SNTG1: variants seen among roughly 807,000 people sequenced by gnomAD.
SNTG1 encodes the protein syntrophin gamma 1, also known as gamma-1-syntrophin.
In SNTG1, 39 loss-of-function variants were observed where a neutral mutation model predicts 74.7. The ratio of observed to expected loss-of-function variants is 0.52; its 90% CI spans 0.40 to 0.68. The LOEUF (loss-of-function observed/expected upper bound fraction) is 0.68, where lower values mean the gene tolerates loss of function less well. SNTG1 is among the 30% of genes least tolerant of loss of function. SNTG1 has a pLI of 0.00. For missense variants in SNTG1, 685 were observed against 609.5 expected (o/e 1.12, Z -1.30); for synonymous variants, 254 against 217.1 (o/e 1.17, Z -1.49).
intron 2 of SNTG1, among the ~76,000 whole-genome samples, chr8:50,178,704 G>C (rs2083091847): frequency 6.6e-6 from 1 of 151,892 alleles, no homozygotes; most frequent in African/African-American, 2.4e-5. Context: ...TGCATGTTCT[G>C]TTCATTATTT....
intron 1 of SNTG1, among the ~76,000 whole-genome samples, chr8:50,041,426 G>A (rs1183721508): frequency 6.6e-6 from 1 of 152,068 alleles, no homozygotes; most frequent in Non-Finnish European, 1.5e-5. Context: ...AACATTTAAT[G>A]TTGCAACATT....
At chr8:49,928,145 TAATAAATA>T (rs372341073) in intron 1 of SNTG1, among the ~76,000 whole-genome samples, 173 of 138,120 alleles carry the variant, frequency 1.3e-3, no homozygotes, top group African/African-American at 3.6e-3. Flanking sequence ...TCTCAAAAAA[TAATAAATA>T]AATAAATAAA....
At chr8:50,697,050 C>A (rs1369241447) in intron 15 of SNTG1, among the ~76,000 whole-genome samples, 1 of 151,986 alleles carries the variant, frequency 6.6e-6, no homozygotes. Flanking sequence ...GCCATTTTAA[C>A]AATATTAATT....
rs531483971 is a variant in SNTG1 at position 50,410,141 on chromosome 8, A to C, written c.162+7797A>C. Among the ~76,000 whole-genome samples the C allele has an allele frequency of 2.5e-4, 38 of 152,362 alleles. 1 individual carries two copies. In the South Asian group the frequency reaches 7.5e-3, roughly 30 times the overall value. ...CTTTCACATGGGTGTGACATGATGT[A>C]GGATGTGGCTTTTTGAGGTTCATTA... On this transcript the variant is annotated intron_variant, in intron 4 of 18. Coordinates refer to ENST00000642720, the MANE Select transcript of SNTG1 (RefSeq NM_018967.5).
At chr8:50,423,304 C>G (rs1292870640) in intron 4 of SNTG1, among the ~76,000 whole-genome samples, 1 of 152,068 alleles carries the variant, frequency 6.6e-6, no homozygotes, top group Non-Finnish European at 1.5e-5. Context: ...TAAAACAGTG[C>G]TTAGTATATA....
chr8:50,740,363 GAAA>G (rs58639766), intron 17 of SNTG1, among the ~76,000 whole-genome samples: 9,067 of 139,112 alleles, frequency 0.065, 317 homozygotes, highest in Non-Finnish European at 0.077. Context: ...AAAAACATAT[GAAA>G]AAAAAAAAAA....
chr8:50,097,768 T>A lies in SNTG1; in HGVS notation c.-102-74793T>A, dbSNP rs191177896. Among the ~76,000 whole-genome samples the A allele has an allele frequency of 6.9e-4, 105 of 152,284 alleles. No homozygotes were observed. In the East Asian group the frequency reaches 0.016, roughly 23 times the overall value. On this transcript the variant is annotated intron_variant, in intron 1 of 18. Coordinates refer to ENST00000642720, the MANE Select transcript of SNTG1 (RefSeq NM_018967.5). ...TGACTCTGATTGAGAGTGAAAAAAC[T>A]TAAGAGAACTTCATCATGAAATTCA...
At chr8:50,404,316 A>G (rs1372952575) in intron 4 of SNTG1, among the ~76,000 whole-genome samples, 2 of 152,182 alleles carry the variant, frequency 1.3e-5, no homozygotes, top group Non-Finnish European at 2.9e-5. Flanking sequence ...ATGATCATAA[A>G]TTAAAAGCTA....
chr8:50,781,189 G>T (rs1361763645), intron 18 of SNTG1, among the ~76,000 whole-genome samples: 4 of 144,136 alleles, frequency 2.8e-5, no homozygotes, highest in Non-Finnish European at 4.4e-5. Context: ...TGTTGATTTG[G>T]GGTGGAGAGT....
intron 17 of SNTG1, among the ~76,000 whole-genome samples, chr8:50,725,807 T>C (rs1468053762): frequency 1.3e-5 from 2 of 152,198 alleles, no homozygotes; most frequent in Non-Finnish European, 2.9e-5. Flanking sequence ...CTATTGCATT[T>C]TTGCTAACCA....
chr8:50,070,644 G>T (rs1206670228), intron 1 of SNTG1, among the ~76,000 whole-genome samples: 4 of 152,138 alleles, frequency 2.6e-5, no homozygotes, highest in Non-Finnish European at 5.9e-5. Context: ...AAAACAAAAA[G>T]AAATGATTTC....
intron 9 of SNTG1, among the ~76,000 whole-genome samples, chr8:50,516,644 G>A (rs994684831): frequency 7.2e-5 from 11 of 152,148 alleles, no homozygotes; most frequent in Non-Finnish European, 1.5e-4. Flanking sequence ...ACTTTGTGAA[G>A]CATGCACAAG....
chr8:50,305,863 C>A (rs909517733), intron 2 of SNTG1, among the ~76,000 whole-genome samples: 1 of 150,686 alleles, frequency 6.6e-6, no homozygotes, highest in African/African-American at 2.4e-5. Context: ...CAATCACCAA[C>A]ATTGCCAAAA....
intron 2 of SNTG1, among the ~76,000 whole-genome samples, chr8:50,297,942 A>G (rs907264558): frequency 6.6e-6 from 1 of 151,628 alleles, no homozygotes; most frequent in Non-Finnish European, 1.5e-5. Context: ...AGAGAAAAAT[A>G]GAAGTAAAAT....
At chr8:50,493,432 T>G (rs1046112457) in intron 8 of SNTG1, among the ~76,000 whole-genome samples, 9 of 152,150 alleles carry the variant, frequency 5.9e-5, no homozygotes, top group African/African-American at 1.7e-4. Flanking sequence ...AATACTGTAT[T>G]TAGGTTCTTT....
At chr8:50,439,944 C>A (rs61006470) in intron 5 of SNTG1, among the ~76,000 whole-genome samples, 1 of 150,592 alleles carries the variant, frequency 6.6e-6, no homozygotes, top group Admixed American at 6.6e-5. Flanking sequence ...TGTTGTTTTT[C>A]GTATTTTAAA....
At chr8:50,114,822 G>A (rs2080748439) in intron 1 of SNTG1, among the ~76,000 whole-genome samples, 1 of 152,118 alleles carries the variant, frequency 6.6e-6, no homozygotes, top group Non-Finnish European at 1.5e-5. Context: ...CCGAGATCGT[G>A]CCAATGCACT....
At chr8:50,662,991 C>A (rs1029251222) in intron 15 of SNTG1, among the ~76,000 whole-genome samples, 1 of 152,060 alleles carries the variant, frequency 6.6e-6, no homozygotes, top group Non-Finnish European at 1.5e-5. Context: ...AAAATTCCAG[C>A]TGATGAAGGA....
chr8:50,262,975 T>G (rs2130131571), intron 2 of SNTG1, among the ~76,000 whole-genome samples: 1 of 152,238 alleles, frequency 6.6e-6, no homozygotes, highest in South Asian at 2.1e-4. Context: ...GAATTTTTAG[T>G]GCAGTTAAAA....
Sources: gnomAD v4.1 joint callset for allele counts (sites outside exome capture counted in the v4.1 genomes callset) on GRCh38, gnomAD v4.1.1 for gene constraint, MANE v1.5 for transcripts, NCBI Gene and HGNC (gene_info 2026-07-23, HGNC 2026-07-21) for gene names.